The following LRBA variants were observed in gnomAD, a reference collection of about 807,000 sequenced individuals.
LRBA encodes the protein LPS responsive beige-like anchor protein.
Under a neutral mutation model 330.0 loss-of-function variants are expected in LRBA, and 176 were observed. The ratio of observed to expected loss-of-function variants is 0.53; its 90% confidence interval spans 0.47 to 0.60. The LOEUF is 0.60. LRBA is among the 20% of genes least tolerant of loss of function. The probability of loss-of-function intolerance (pLI) is 0.00; values close to 1 mark genes in which losing one functional copy is unlikely to be tolerated. For synonymous variants in LRBA, 1,230 were observed against 1,193.0 expected (o/e 1.03, Z -0.64); for missense variants, 3,259 against 3,444.8 (o/e 0.95, Z 1.35).
intron 35 of LRBA, among the ~76,000 whole-genome samples, chr4:150,755,675 C>T (rs537567930): frequency 4.1e-4 from 63 of 151,934 alleles, no homozygotes; most frequent in Admixed American, 7.2e-4. Flanking sequence ...AAAACTATGC[C>T]GGTTTTTTTA....
In LRBA at chr4:150,905,961, T is replaced by G; in HGVS notation, c.1632A>C (p.Val544=). ...KSSKSHVSRA[V]LELCLAFSKY... is the part of the protein sequence containing the mutation. ...TTGAAAATGCAAGGCAAAGTTCAAG[T>G]ACTGCTCTGCTAACATGAGATTTGG... The change falls in exon 13 of 57, where the codon GTA becomes GTC. Residue 544 remains valine, a synonymous_variant. Coordinates refer to ENST00000651943, the MANE Select transcript of LRBA (RefSeq NM_001364905.1). 1 of 1,613,702 alleles carries G rather than the reference T, an allele frequency of 6.2e-7. No individual in the cohort carries two copies.
intron 40 of LRBA, among the ~76,000 whole-genome samples, chr4:150,542,372 T>C (rs1265909873): frequency 6.6e-6 from 1 of 152,266 alleles, no homozygotes; most frequent in African/African-American, 2.4e-5. Context: ...AATGAGTTAA[T>C]GTATATAAAA....
intron 28 of LRBA, among the ~76,000 whole-genome samples, chr4:150,837,593 A>C (rs1267603440): frequency 3.3e-5 from 5 of 152,088 alleles, no homozygotes; most frequent in African/African-American, 7.2e-5. Flanking sequence ...AGTCTGTTTT[A>C]TCAGAGACTA....
At chr4:150,589,382 T>A (rs1581756524) in intron 39 of LRBA, among the ~76,000 whole-genome samples, 2 of 152,264 alleles carry the variant, frequency 1.3e-5, no homozygotes, top group South Asian at 4.1e-4. Context: ...GGTTTTGCCC[T>A]CTATTCCCAA....
chr4:150,381,682 G>A (rs1742287903), intron 47 of LRBA, among the ~76,000 whole-genome samples: 1 of 151,534 alleles, frequency 6.6e-6, no homozygotes, highest in Non-Finnish European at 1.5e-5. Flanking sequence ...TTTTTGTATG[G>A]ATATGTTTCC....
At chr4:150,493,740 A>T (rs1048806797) in intron 40 of LRBA, among the ~76,000 whole-genome samples, 2 of 152,114 alleles carry the variant, frequency 1.3e-5, no homozygotes, top group Non-Finnish European at 2.9e-5. Context: ...TGAGTTTGCT[A>T]CCCTGGATTT....
intron 34 of LRBA, among the ~76,000 whole-genome samples, chr4:150,797,206 A>G (rs939628746): frequency 7.2e-5 from 11 of 151,956 alleles, no homozygotes; most frequent in Admixed American, 5.9e-4. Context: ...AGGCACTAAA[A>G]CAAATAAATC....
chr4:150,515,433 C>T (rs1762239043), intron 40 of LRBA, among the ~76,000 whole-genome samples: 1 of 151,966 alleles, frequency 6.6e-6, no homozygotes, highest in South Asian at 2.1e-4. Context: ...TACCAGAAAC[C>T]AACAACAAAT....
chr4:150,776,901 G>A (rs1737415535), intron 34 of LRBA, among the ~76,000 whole-genome samples: 1 of 152,112 alleles, frequency 6.6e-6, no homozygotes, highest in Non-Finnish European at 1.5e-5. Flanking sequence ...ACATATTTTT[G>A]TAACTGGACA....
chr4:150,296,819 TA>T (rs1729030873), intron 53 of LRBA, among the ~76,000 whole-genome samples: 1 of 152,168 alleles, frequency 6.6e-6, no homozygotes, highest in African/African-American at 2.4e-5. Flanking sequence ...TGGAAGGTAG[TA>T]AAGTCAGTCT....
At chr4:150,752,005 G>T (rs1733621557) in intron 35 of LRBA, among the ~76,000 whole-genome samples, 1 of 152,060 alleles carries the variant, frequency 6.6e-6, no homozygotes, top group African/African-American at 2.4e-5. Flanking sequence ...CATGACCACT[G>T]ATGAGAAAGG....
intron 37 of LRBA, among the ~76,000 whole-genome samples, chr4:150,611,894 GCT>G (rs375534683): frequency 6.6e-6 from 1 of 151,464 alleles, no homozygotes; most frequent in African/African-American, 2.4e-5. Flanking sequence ...ATTTCTACGC[GCT>G]CTCTCTCTCT....
intron 47 of LRBA, among the ~76,000 whole-genome samples, chr4:150,382,290 G>A (rs756414326): frequency 6.6e-5 from 10 of 152,022 alleles, no homozygotes; most frequent in Non-Finnish European, 1.2e-4. Context: ...GTCTTGTTTT[G>A]TGTCAATAGA....
intron 2 of LRBA, among the ~76,000 whole-genome samples, chr4:150,957,522 C>T (rs1192424491): frequency 1.3e-5 from 2 of 148,370 alleles, no homozygotes; most frequent in East Asian, 1.9e-4. Flanking sequence ...ACAGCCAAAC[C>T]ATATCATTCT....
chr4:150,277,782 G>T lies in LRBA; in HGVS notation c.8468+71C>A, dbSNP rs1011603773. 3.0e-5 allele frequency: 45 copies of T among 1,480,524 alleles called. 1 individual carries two copies. Among genetic ancestry groups the T allele is most frequent in the Non-Finnish European group, 4.2e-5 (45 of 1,072,998 alleles). The allele number at this position is 1,480,524 out of a possible 1,614,324, so 91.7% of individuals were successfully genotyped here. A position where few individuals can be genotyped will look rare whatever the true frequency, so the allele number is the denominator to read the frequency against. ...CTCCCAAAGTACTGGGATTACAGGT[G>T]TAAGCCAACACGACCAGTCCCCTCT... is the stretch of plus-strand genomic sequence containing the variant. On this transcript the variant is annotated intron_variant, in intron 56 of 56. Coordinates refer to ENST00000651943, the MANE Select transcript of LRBA (RefSeq NM_001364905.1).
At position 150,394,592 on chromosome 4, in the gene LRBA, T is replaced by C. The variant is rs117404070; in HGVS notation, c.7194+20846A>G. Among the ~76,000 whole-genome samples, 6 of 152,240 alleles carry C rather than the reference T, an allele frequency of 3.9e-5. No homozygotes were observed. The East Asian group carries it at 7.7e-4, about 20-fold the overall frequency. ...AGTACAAAGTACAACTGTGATGTCA[T>C]AGAAAGAAAGAAAACCTGGCAGGCA... is the stretch of plus-strand genomic sequence containing the variant. On this transcript the variant is annotated intron_variant, in intron 47 of 56. Transcript: ENST00000651943.
intron 2 of LRBA, among the ~76,000 whole-genome samples, chr4:150,949,451 G>C (rs986389527): frequency 1.3e-5 from 2 of 152,102 alleles, no homozygotes; most frequent in Middle Eastern, 3.4e-3. Flanking sequence ...CTGTAAGAGG[G>C]TAACAGGAGG....
chr4:150,933,309 T>C (rs1379694987), intron 2 of LRBA, among the ~76,000 whole-genome samples: 1 of 147,748 alleles, frequency 6.8e-6, no homozygotes, highest in Non-Finnish European at 1.5e-5. Flanking sequence ...AATTGCTTGA[T>C]CCCAGGAAGC....
chr4:150,481,326 C>T (rs1237109849), intron 42 of LRBA, among the ~76,000 whole-genome samples: 1 of 152,184 alleles, frequency 6.6e-6, no homozygotes, highest in East Asian at 1.9e-4. Context: ...CTTCAATGTA[C>T]TGATATCCTT....
Sources: allele counts gnomAD v4.1 joint callset (sites outside exome capture counted in the v4.1 genomes callset), GRCh38; gene constraint gnomAD v4.1.1; transcripts MANE v1.5; gene names NCBI Gene and HGNC (gene_info 2026-07-23, HGNC 2026-07-21).